Variants in CDH8 observed in about 807,000 individuals in gnomAD.
The protein encoded by CDH8 is cadherin 8, also known as cadherin-8.
In CDH8, 17 loss-of-function variants were observed where a neutral mutation model predicts 68.1. That is an observed-to-expected ratio of 0.25 (90% confidence interval 0.17 to 0.37). The LOEUF is 0.37. CDH8 is among the 10% of genes least tolerant of loss of function. The probability of loss-of-function intolerance (pLI) is 1.00; values close to 1 mark genes in which losing one functional copy is unlikely to be tolerated. For synonymous variants in CDH8, 372 were observed against 365.1 expected (o/e 1.02, Z -0.21); for missense variants, 763 against 999.3 (o/e 0.76, Z 3.19).
In CDH8 at chr16:61,727,123, A is replaced by G. The variant is rs1243813773; in HGVS notation, c.1507T>C (p.Phe503Leu). 1 of 1,610,812 alleles carries G rather than the reference A, an allele frequency of 6.2e-7. No individual in the cohort carries two copies. Among genetic ancestry groups the G allele is most frequent in the East Asian group, 2.2e-5 (1 of 44,788 alleles). Residue 503 changes from phenylalanine (F) to leucine (L), a missense_variant, in exon 9 of 12, where the codon TTT (phenylalanine) becomes CTT (leucine). Phe to Leu is a conservative substitution (Grantham distance 22). Transcript: ENST00000577390. ...CCGGGTTTTCCATTTTCACATAAAA[A>G]TGCCTCATATTCGGATGCGAATTCA... Reference protein sequence around the residue: ...APEFASEYEAFLCENGKPGQV... With the variant: ...APEFASEYEALLCENGKPGQV...
intron 3 of CDH8, among the ~76,000 whole-genome samples, chr16:61,871,643 G>A (rs1963365713): frequency 6.6e-6 from 1 of 151,096 alleles, no homozygotes. Flanking sequence ...ACAACCAATG[G>A]GAAATGTGAG....
intron 2 of CDH8, among the ~76,000 whole-genome samples, chr16:62,007,146 T>C (rs1286987301): frequency 6.6e-6 from 1 of 152,118 alleles, no homozygotes; most frequent in Non-Finnish European, 1.5e-5. Flanking sequence ...GACCTCATGA[T>C]CCACCCACCT....
intron 4 of CDH8, among the ~76,000 whole-genome samples, chr16:61,831,255 T>C (rs541607771): frequency 1.3e-5 from 2 of 151,884 alleles, no homozygotes; most frequent in East Asian, 3.9e-4. Context: ...GTTCATTCAA[T>C]GGAAATTTGA....
chr16:61,989,415 C>A (rs1258993561), intron 2 of CDH8, among the ~76,000 whole-genome samples: 1 of 152,166 alleles, frequency 6.6e-6, no homozygotes, highest in African/African-American at 2.4e-5. Flanking sequence ...AAATGGTAAA[C>A]TCTCAAGACA....
At chr16:61,816,563 CT>C (rs373032480) in intron 7 of CDH8, among the ~76,000 whole-genome samples, 4 of 152,240 alleles carry the variant, frequency 2.6e-5, no homozygotes, top group Admixed American at 1.3e-4. Context: ...TACTCTCTAT[CT>C]CCTTGATTTT....
chr16:61,729,555 C>T (rs80073412), intron 8 of CDH8, among the ~76,000 whole-genome samples: 1,555 of 151,236 alleles, frequency 0.01, 29 homozygotes, highest in African/African-American at 0.036. Context: ...ACTGGAGTCC[C>T]GTTAATTGAT....
At chr16:61,704,077 A>G (rs1964485748) in intron 10 of CDH8, among the ~76,000 whole-genome samples, 1 of 152,182 alleles carries the variant, frequency 6.6e-6, no homozygotes, top group Non-Finnish European at 1.5e-5. Context: ...TACTTCATGA[A>G]ACTTTTGTCT....
chr16:61,704,559 A>G (rs1388576703), intron 10 of CDH8, among the ~76,000 whole-genome samples: 1 of 152,218 alleles, frequency 6.6e-6, no homozygotes, highest in Non-Finnish European at 1.5e-5. Flanking sequence ...ATGAGAAAGT[A>G]CATAAAGTAC....
At chr16:61,654,289 G>A (rs1169411459) in intron 11 of CDH8, among the ~76,000 whole-genome samples, 188 bp from the exon 12 acceptor site, 1 of 152,110 alleles carries the variant, frequency 6.6e-6, no homozygotes, top group African/African-American at 2.4e-5. Flanking sequence ...AGTAAATACT[G>A]TTCCAGATTA....
intron 4 of CDH8, among the ~76,000 whole-genome samples, chr16:61,856,200 T>TG (rs1963043705): frequency 1.3e-5 from 2 of 152,074 alleles, no homozygotes; most frequent in Non-Finnish European, 2.9e-5. Context: ...TAATAATATA[T>TG]GTATATGTGC....
intron 4 of CDH8, among the ~76,000 whole-genome samples, chr16:61,840,037 G>C (rs756701784): frequency 6.6e-6 from 1 of 151,986 alleles, no homozygotes. Flanking sequence ...TTCTATAAAG[G>C]TATTCCTGCT....
chr16:61,841,152 C>G (rs910910828), intron 4 of CDH8, among the ~76,000 whole-genome samples: 2 of 152,116 alleles, frequency 1.3e-5, no homozygotes, highest in Non-Finnish European at 2.9e-5. Flanking sequence ...CTATTGTAAA[C>G]AGTGCTGCAA....
intron 8 of CDH8, among the ~76,000 whole-genome samples, chr16:61,733,892 C>T (rs1959604778): frequency 6.6e-6 from 1 of 152,002 alleles, no homozygotes; most frequent in Admixed American, 6.6e-5. Context: ...TCAATGAATA[C>T]CTCAAAACAT....
intron 3 of CDH8, among the ~76,000 whole-genome samples, chr16:61,878,319 G>A (rs1159024743): frequency 6.6e-6 from 1 of 152,138 alleles, no homozygotes; most frequent in East Asian, 1.9e-4. Context: ...AGAAATGAAT[G>A]AAGTCATACC....
At chr16:61,702,379 GA>G (rs200454525) in intron 10 of CDH8, among the ~76,000 whole-genome samples, 17,511 of 126,200 alleles carry the variant, frequency 0.14, 989 homozygotes, top group Non-Finnish European at 0.15. Context: ...CTCAAAAAAA[GA>G]AAAAAAAAAA....
chr16:61,832,564 G>GCTTGTTTAT (rs1414964871), intron 4 of CDH8, among the ~76,000 whole-genome samples: 1 of 151,690 alleles, frequency 6.6e-6, no homozygotes, highest in Non-Finnish European at 1.5e-5. Context: ...TATACATTTT[G>GCTTGTTTAT]ACCAGTACTT....
intron 8 of CDH8, 94 bp from the exon 9 acceptor site, chr16:61,727,309 C>T (rs967713809): frequency 1.5e-6 from 2 of 1,299,604 alleles, no homozygotes; most frequent in Non-Finnish European, 2.1e-6. Flanking sequence ...CTGTTTCCAA[C>T]TTCCCTTAAT....
At chr16:61,733,669 T>C (rs1225374624) in intron 8 of CDH8, among the ~76,000 whole-genome samples, 1 of 151,976 alleles carries the variant, frequency 6.6e-6, no homozygotes, top group Non-Finnish European at 1.5e-5. Context: ...CTTTTGCCAG[T>C]GCCCTTCCCA....
intron 9 of CDH8, among the ~76,000 whole-genome samples, chr16:61,717,746 C>T (rs1050927455): frequency 1.3e-5 from 2 of 151,052 alleles, no homozygotes; most frequent in African/African-American, 4.9e-5. Context: ...ATGAGATATC[C>T]CCCCTCACTA....
Sources: gnomAD v4.1 joint callset for allele counts (sites outside exome capture counted in the v4.1 genomes callset) on GRCh38, gnomAD v4.1.1 for gene constraint, MANE v1.5 for transcripts, NCBI Gene and HGNC (gene_info 2026-07-23, HGNC 2026-07-21) for gene names.